Variants in TMEM132D observed in about 807,000 individuals in gnomAD.
TMEM132D encodes mature OL transmembrane protein.
Under a neutral mutation model 62.3 loss-of-function variants are expected in TMEM132D, and 21 were observed. The ratio of observed to expected loss-of-function variants is 0.34; its 90% CI spans 0.24 to 0.49. TMEM132D has a LOEUF of 0.49. Ranked by LOEUF, TMEM132D falls within the 20% of genes least tolerant of loss-of-function variation. TMEM132D has a pLI of 0.99. For synonymous variants in TMEM132D, 621 were observed against 575.6 expected (o/e 1.08, Z -1.13); for missense variants, 1,346 against 1,402.8 (o/e 0.96, Z 0.65).
rs1221455368 is a variant in TMEM132D at position 129,311,192 on chromosome 12, C to T, written c.1299+26442G>A. 5.6e-5 allele frequency among the ~76,000 whole-genome samples: 3 copies of T among 53,550 alleles called. 1 individual carries two copies. Among genetic ancestry groups the T allele is most frequent in the African/African-American group, 3.5e-4 (3 of 8,522 alleles). The allele number at this position is 53,550 out of a possible 152,430, so 35.1% of individuals were successfully genotyped here. A position where few individuals can be genotyped will look rare whatever the true frequency, so the allele number is the denominator to read the frequency against. On this transcript the variant is annotated intron_variant, in intron 4 of 8. Coordinates refer to ENST00000422113, the MANE Select transcript of TMEM132D (RefSeq NM_133448.3). ...CAGCCTGGGCGACAGAGCGAGACTCCGTCTCAAAAAAAAAAAAAAAAAAAA... is the reference window on the plus strand; with the variant it reads ...CAGCCTGGGCGACAGAGCGAGACTCTGTCTCAAAAAAAAAAAAAAAAAAAA...
chr12:129,204,155 T>C (rs1191210245), intron 5 of TMEM132D, among the ~76,000 whole-genome samples: 6 of 152,194 alleles, frequency 3.9e-5, no homozygotes, highest in African/African-American at 9.7e-5. Context: ...ACTGCACTAG[T>C]TCCCCAGCAA....
intron 2 of TMEM132D, among the ~76,000 whole-genome samples, chr12:129,668,020 T>G (rs1880417465): frequency 2.0e-5 from 3 of 151,664 alleles, no homozygotes; most frequent in African/African-American, 7.3e-5. Flanking sequence ...TAAAAGACAG[T>G]TTTATAATCA....
intron 1 of TMEM132D, chr12:129,852,979 A>G (rs1873594406): frequency 6.6e-6 from 1 of 152,066 alleles, no homozygotes. Context: ...CTAAAATATT[A>G]CTCTTTAATT....
At position 129,623,509 on chromosome 12, in the gene TMEM132D, G is replaced by C. The variant is rs561594478; in HGVS notation, c.968+76301C>G. 2.0e-5 allele frequency among the ~76,000 whole-genome samples: 3 copies of C among 152,090 alleles called. No homozygotes were observed. The East Asian group carries it at 5.8e-4, about 30-fold the overall frequency. On this transcript the variant is annotated intron_variant, in intron 2 of 8. Transcript: ENST00000422113. ...CATACCCATAACTTAGCTCCCACTT[G>C]TAAGTGAGAACATGTGGTACTTGGT...
intron 4 of TMEM132D, among the ~76,000 whole-genome samples, chr12:129,215,678 G>C (rs1879180477): frequency 6.6e-6 from 1 of 152,110 alleles, no homozygotes; most frequent in African/African-American, 2.4e-5. Context: ...TTAAGTGCAG[G>C]GACTCTCTCT....
At chr12:129,690,727 A>G (rs888924327) in intron 2 of TMEM132D, among the ~76,000 whole-genome samples, 1 of 152,196 alleles carries the variant, frequency 6.6e-6, no homozygotes, top group African/African-American at 2.4e-5. Context: ...AAGGAGAAAT[A>G]AACAATCCCC....
chr12:129,895,193 A>G (rs1292710029), intron 1 of TMEM132D, among the ~76,000 whole-genome samples: 4 of 152,154 alleles, frequency 2.6e-5, no homozygotes, highest in Admixed American at 1.3e-4. Flanking sequence ...GGTACACGTC[A>G]CCGTTGTGTG....
intron 4 of TMEM132D, among the ~76,000 whole-genome samples, chr12:129,224,224 T>G (rs560227498): frequency 6.6e-6 from 1 of 152,336 alleles, no homozygotes; most frequent in East Asian, 1.9e-4. Context: ...TAATATAATT[T>G]ACTTTGTTCA....
intron 5 of TMEM132D, among the ~76,000 whole-genome samples, chr12:129,103,715 T>A (rs143569156): frequency 1.3e-5 from 2 of 152,180 alleles, no homozygotes; most frequent in African/African-American, 4.8e-5. Flanking sequence ...AATATCTCCG[T>A]ACAAAATCAC....
intron 2 of TMEM132D, among the ~76,000 whole-genome samples, chr12:129,615,650 T>C (rs1878894103): frequency 6.6e-6 from 1 of 150,418 alleles, no homozygotes; most frequent in South Asian, 2.1e-4. Flanking sequence ...TGTATGCCTG[T>C]TGTCCCAGCT....
chr12:129,435,055 G>C lies in TMEM132D; in HGVS notation c.1115+96004C>G, dbSNP rs112250433. On this transcript the variant is annotated intron_variant, in intron 3 of 8. Transcript: ENST00000422113. Reference sequence around the variant, plus strand: ...TTATTTAGATTCCACACAGGCGTGCGAATGTACCGTATTTGTCCTTCTGTT... The same window carrying C: ...TTATTTAGATTCCACACAGGCGTGCCAATGTACCGTATTTGTCCTTCTGTT... Among the ~76,000 whole-genome samples the C allele has an allele frequency of 6.6e-3, 1,001 of 152,232 alleles. 3 individuals carry two copies. Among genetic ancestry groups the C allele is most frequent in the Non-Finnish European group, 9.5e-3 (646 of 68,016 alleles).
At chr12:129,354,332 T>TATAC (rs1555250015) in intron 3 of TMEM132D, among the ~76,000 whole-genome samples, 5 of 151,078 alleles carry the variant, frequency 3.3e-5, no homozygotes, top group Admixed American at 1.3e-4. Flanking sequence ...TATATATATA[T>TATAC]ACATATTTTG....
chr12:129,383,629 G>C (rs1871017863), intron 3 of TMEM132D, among the ~76,000 whole-genome samples: 1 of 152,116 alleles, frequency 6.6e-6, no homozygotes, highest in East Asian at 1.9e-4. Flanking sequence ...AGTAGAGACA[G>C]GGTTTCAACA....
At chr12:129,423,354 T>C (rs376273995) in intron 3 of TMEM132D, among the ~76,000 whole-genome samples, 15 of 152,274 alleles carry the variant, frequency 9.9e-5, no homozygotes, top group East Asian at 3.9e-4. Flanking sequence ...TGAGTGCCTA[T>C]AGCCGCTGAT....
At chr12:129,745,953 T>C (rs1235105761) in intron 1 of TMEM132D, among the ~76,000 whole-genome samples, 1 of 152,074 alleles carries the variant, frequency 6.6e-6, no homozygotes, top group Non-Finnish European at 1.5e-5. Context: ...CTGGAGAAAC[T>C]CTTTGGTGAC....
intron 4 of TMEM132D, among the ~76,000 whole-genome samples, chr12:129,324,239 G>A (rs185613593): frequency 1.1e-3 from 166 of 152,288 alleles, no homozygotes; most frequent in African/African-American, 3.8e-3. Flanking sequence ...TTTAGGGTAG[G>A]TTGATGGCCT....
intron 2 of TMEM132D, among the ~76,000 whole-genome samples, chr12:129,699,389 G>A (rs898330694): frequency 1.3e-5 from 2 of 152,180 alleles, no homozygotes; most frequent in African/African-American, 2.4e-5. Flanking sequence ...AATAGATTTT[G>A]AGTTGGCAAA....
At chr12:129,757,961 G>A (rs1235159820) in intron 1 of TMEM132D, among the ~76,000 whole-genome samples, 2 of 152,138 alleles carry the variant, frequency 1.3e-5, no homozygotes, top group African/African-American at 4.8e-5. Context: ...GGAGTGCAAT[G>A]GCATGGTCTC....
At chr12:129,587,401 T>C (rs1878060400) in intron 2 of TMEM132D, among the ~76,000 whole-genome samples, 1 of 151,984 alleles carries the variant, frequency 6.6e-6, no homozygotes, top group African/African-American at 2.4e-5. Context: ...GGGTGGAAGG[T>C]GGGAAGAGGG....
Sources: allele counts gnomAD v4.1 joint callset (sites outside exome capture counted in the v4.1 genomes callset), GRCh38; gene constraint gnomAD v4.1.1; transcripts MANE v1.5; gene names NCBI Gene and HGNC (gene_info 2026-07-23, HGNC 2026-07-21).